Variants in ZNF782 observed in about 807,000 individuals in gnomAD.
ZNF782 encodes zinc finger protein 782.
In ZNF782, 12 loss-of-function variants were observed where a neutral mutation model predicts 13.0. The ratio of observed to expected loss-of-function variants is 0.92; its 90% CI spans 0.59 to 1.50. The LOEUF is 1.50. Ranked by LOEUF, ZNF782 falls within the 40% of genes most tolerant of loss-of-function variation. ZNF782 has a pLI of 0.00. For missense variants in ZNF782, 770 were observed against 822.9 expected (o/e 0.94, Z 0.79); for synonymous variants, 284 against 283.0 (o/e 1.00, Z -0.04).
At chr9:96,922,640 G>A in the ZNF782 span, among the ~76,000 whole-genome samples, 1 of 151,646 alleles carries the variant, frequency 6.6e-6, no homozygotes, top group Non-Finnish European at 1.5e-5. Flanking sequence ...CGGGCCTGGT[G>A]GCAGGTGCCT....
At chr9:96,920,821 A>C in the ZNF782 span, among the ~76,000 whole-genome samples, 1 of 150,378 alleles carries the variant, frequency 6.6e-6, no homozygotes, top group Non-Finnish European at 1.5e-5. Context: ...AGGCTGAGGG[A>C]GGAGAATCGC....
chr9:96,930,112 T>A, the ZNF782 span, among the ~76,000 whole-genome samples: 2 of 152,144 alleles, frequency 1.3e-5, no homozygotes, highest in Non-Finnish European at 2.9e-5. Context: ...TCACCTGGCC[T>A]GTGGCCCAAG....
the ZNF782 span, among the ~76,000 whole-genome samples, chr9:96,883,323 G>T: frequency 5.9e-5 from 9 of 152,084 alleles, no homozygotes; most frequent in African/African-American, 1.9e-4. Context: ...AAAAGGAGGG[G>T]TTTGTTTTCT....
chr9:96,911,762 C>T, the ZNF782 span, among the ~76,000 whole-genome samples: 5 of 151,784 alleles, frequency 3.3e-5, no homozygotes, highest in South Asian at 2.1e-4. Context: ...CCTCGTGATC[C>T]GCCCACCTCA....
At chr9:96,832,507 A>T (rs1277795773) in intron 4 of ZNF782, among the ~76,000 whole-genome samples, 1 of 152,048 alleles carries the variant, frequency 6.6e-6, no homozygotes, top group Admixed American at 6.6e-5. Flanking sequence ...CCTTCCTTCC[A>T]TTCTTTCGGG....
At chr9:96,851,566 T>C (rs893667869) in intron 3 of ZNF782, among the ~76,000 whole-genome samples, 6 of 152,182 alleles carry the variant, frequency 3.9e-5, no homozygotes, top group Non-Finnish European at 8.8e-5. Flanking sequence ...CATAAAGTGC[T>C]AGGAAAACAT....
intron 3 of ZNF782, among the ~76,000 whole-genome samples, chr9:96,848,850 G>T (rs1368615550): frequency 6.6e-6 from 1 of 152,110 alleles, no homozygotes; most frequent in African/African-American, 2.4e-5. Flanking sequence ...GAATAAAAAA[G>T]AGCCCGAATA....
chr9:96,864,008 G>A lies in ZNF782; in HGVS notation c.-456-2405C>T, dbSNP rs112931582. ...AACCACCTGTACCTCAAAAACTATT[G>A]AAATAAAATTAAAAACCATTATTGG... On this transcript the variant is annotated intron_variant, in intron 1 of 5. Transcript: ENST00000498811. Among the ~76,000 whole-genome samples, 194 of 151,384 alleles carry A rather than the reference G, an allele frequency of 1.3e-3. 2 individuals are homozygous for A. The highest frequency in any genetic ancestry group is 4.4e-3 in the African/African-American group (181 of 41,266).
In ZNF782 at chr9:96,818,772, C is replaced by CT; in HGVS notation, c.1250_1251insA (p.Glu419ArgfsTer7). 1 of 1,611,620 alleles carries CT rather than the reference C, an allele frequency of 6.2e-7. No individual in the cohort carries two copies. The highest frequency in any genetic ancestry group is 2.2e-5 in the East Asian group (1 of 44,686). ...CATCACATTTGTATGGTTTCTCTCCCGTGTGAGTTCTCTGATGTTTTCTTA... is the reference window on the plus strand; with the variant it reads ...CATCACATTTGTATGGTTTCTCTCCCTGTGTGAGTTCTCTGATGTTTTCTTA... On this transcript the variant is annotated frameshift_variant, in exon 6 of 6. Transcript: ENST00000481138. LOFTEE classifies it low-confidence loss of function (END_TRUNC).
At chr9:96,867,246 G>T (rs1413363026) in intron 1 of ZNF782, among the ~76,000 whole-genome samples, 1 of 152,126 alleles carries the variant, frequency 6.6e-6, no homozygotes, top group East Asian at 1.9e-4. Flanking sequence ...GAATAATAGA[G>T]GCAGGTCTTT....
chr9:96,929,245 C>G, the ZNF782 span, among the ~76,000 whole-genome samples: 14 of 152,138 alleles, frequency 9.2e-5, no homozygotes, highest in African/African-American at 2.7e-4. Context: ...GACCAAGATG[C>G]CTGGGGGAAT....
chr9:96,909,818 A>G, the ZNF782 span, among the ~76,000 whole-genome samples: 1 of 151,868 alleles, frequency 6.6e-6, no homozygotes, highest in Non-Finnish European at 1.5e-5. Context: ...AACCCAAAAC[A>G]GCAAAAGCAT....
the ZNF782 span, chr9:96,893,249 A>G: frequency 6.6e-6 from 1 of 152,228 alleles, no homozygotes; most frequent in Admixed American, 6.5e-5. Context: ...GGATGGGCAG[A>G]AAAGAATTAG....
intron 4 of ZNF782, among the ~76,000 whole-genome samples, chr9:96,840,646 TCATA>T (rs1483335122): frequency 2.6e-5 from 4 of 152,090 alleles, no homozygotes; most frequent in Non-Finnish European, 5.9e-5. Context: ...TTGCATTTCT[TCATA>T]CAGTCTCATA....
At chr9:96,912,446 A>G in the ZNF782 span, among the ~76,000 whole-genome samples, 4 of 148,962 alleles carry the variant, frequency 2.7e-5, no homozygotes, top group Non-Finnish European at 4.5e-5. Context: ...GTGAGCCGAG[A>G]TCGTGCCACT....
the ZNF782 span, among the ~76,000 whole-genome samples, chr9:96,919,664 G>C: frequency 1.5e-4 from 22 of 147,554 alleles, 1 homozygote; most frequent in Non-Finnish European, 2.7e-4. Flanking sequence ...CCTGGGTTCA[G>C]GCGATTCTCC....
downstream of ZNF782, among the ~76,000 whole-genome samples, chr9:96,816,203 A>G (rs1850161994): frequency 6.6e-6 from 1 of 152,224 alleles, no homozygotes; most frequent in South Asian, 2.1e-4. Context: ...GCAGTTTAGT[A>G]ACAATGGCCT....
At chr9:96,860,427 G>C (rs181077972) in intron 2 of ZNF782, 1 of 152,420 alleles carries the variant, frequency 6.6e-6, no homozygotes, top group East Asian at 1.9e-4. Flanking sequence ...AGCACAAAGA[G>C]AGAGAGACTT....
the ZNF782 span, among the ~76,000 whole-genome samples, chr9:96,922,400 C>A: frequency 6.6e-6 from 1 of 151,752 alleles, no homozygotes; most frequent in South Asian, 2.1e-4. Flanking sequence ...ATTTTAACTT[C>A]ATTCTACTTT....
Sources: allele counts gnomAD v4.1 joint callset (sites outside exome capture counted in the v4.1 genomes callset), GRCh38; gene constraint gnomAD v4.1.1; transcripts MANE v1.5; gene names NCBI Gene and HGNC (gene_info 2026-07-23, HGNC 2026-07-21).